Variants in UBXN11 observed in about 807,000 individuals in gnomAD.
The protein encoded by UBXN11 is UBX domain protein 11, also known as UBX domain-containing protein 11.
In UBXN11, 47 loss-of-function variants were observed where a neutral mutation model predicts 62.8. The observed-to-expected ratio is 0.75, with a 90% CI of 0.59 to 0.95. The LOEUF is 0.95. UBXN11 is among the 40% of genes least tolerant of loss of function. UBXN11 has a pLI of 0.00. For missense variants in UBXN11, 638 were observed against 661.7 expected (o/e 0.96, Z 0.39); for synonymous variants, 294 against 267.0 (o/e 1.10, Z -0.99).
upstream of UBXN11, chr1:26,306,813 C>A (rs2073678464): frequency 2.1e-5 from 1 of 47,308 alleles, no homozygotes; most frequent in East Asian, 4.2e-4. Flanking sequence ...GAGAGGGCTC[C>A]AGGTCCGGGG....
intron 3 of UBXN11, among the ~76,000 whole-genome samples, chr1:26,301,422 T>C (rs1463876425): frequency 1.3e-5 from 2 of 152,130 alleles, no homozygotes; most frequent in Non-Finnish European, 2.9e-5. Context: ...ACTTGGTTTC[T>C]AGGCACACAC....
intron 7 of UBXN11, among the ~76,000 whole-genome samples, chr1:26,296,461 G>A (rs999910223): frequency 6.6e-6 from 1 of 152,192 alleles, no homozygotes; most frequent in African/African-American, 2.4e-5. Flanking sequence ...CTGACCTGGG[G>A]GAGGTGGGGA....
At chr1:26,288,791 CAGGAGGCAGGCATCACCATTTCTG>C (rs2073191157) in intron 8 of UBXN11, among the ~76,000 whole-genome samples, 1 of 152,180 alleles carries the variant, frequency 6.6e-6, no homozygotes, top group African/African-American at 2.4e-5. Context: ...TGCCAAGCGC[CAGGAGGCAGGCATCACCATTTCTG>C]TTTTACAGAT....
At chr1:26,304,752 C>CA (rs1368961854) in intron 1 of UBXN11, among the ~76,000 whole-genome samples, 3 of 151,374 alleles carry the variant, frequency 2.0e-5, no homozygotes, top group Non-Finnish European at 4.4e-5. Context: ...GACTCCATCT[C>CA]AAAAAAAAAT....
chr1:26,282,616 C>A, intron 14 of UBXN11, 33 bp downstream of exon 14: 3 of 1,613,112 alleles, frequency 1.9e-6, no homozygotes, highest in Non-Finnish European at 2.5e-6. Flanking sequence ...GGACCAGAGC[C>A]CCTCTGTGGC....
At chr1:26,314,521 T>C (rs2073772519) in intron 1 of UBXN11, among the ~76,000 whole-genome samples, 2 of 152,198 alleles carry the variant, frequency 1.3e-5, no homozygotes, top group Admixed American at 6.5e-5. Context: ...CTTTTCTGCA[T>C]TGGTAACTTT....
rs1162877845 is a variant in UBXN11 at position 26,313,283 on chromosome 1, C to T, written c.-149+4764G>A. The stretch of plus-strand genomic sequence containing the variant: ...GGCCCCAGGGACAGTCATCAAAAGA[C>T]ACTGTGGAACTGGGATGGAATTGTG... On this transcript the variant is annotated intron_variant, in intron 1 of 14. Transcript: ENST00000374217. Among the ~76,000 whole-genome samples the T allele has an allele frequency of 3.3e-5, 5 of 152,276 alleles. No homozygotes were observed. The East Asian group carries it at 9.6e-4, about 29-fold the overall frequency.
Position 26,297,009 on chromosome 1 carries a change from C to T in UBXN11, c.356-14G>A. ...GGGTTGCCTCGGCTTCAGGGAAAGA[C>T]AGGGACAGGCTTCAGCTGCCCCAGC... On this transcript the variant is annotated splice_polypyrimidine_tract_variant and intron_variant, in intron 6 of 14. Coordinates refer to ENST00000374222, the MANE Select transcript of UBXN11 (RefSeq NM_001389556.1). 1.3e-6 allele frequency: 2 copies of T among 1,594,306 alleles called. No homozygotes were observed. Among genetic ancestry groups the T allele is most frequent in the Non-Finnish European group, 1.7e-6 (2 of 1,169,316 alleles).
At chr1:26,284,675 G>A (rs1409232587) in intron 10 of UBXN11, 193 bp from the exon 11 acceptor site, 3 of 1,354,180 alleles carry the variant, frequency 2.2e-6, no homozygotes, top group East Asian at 2.9e-5. Context: ...TGCTGCTCCT[G>A]TAAGCACCCC....
Position 26,298,019 on chromosome 1 carries a change from C to A in UBXN11, c.243G>T (p.Arg81Ser). ...HDSELMAFMT[R>S]KLWDLEQQVK... ...CCTGCTGCTCCAGGTCCCACAACTT[C>A]CTCGTCATGAAGGCCATCAGCTCCG... Residue 81 changes from arginine (R) to serine (S), a missense_variant, in exon 5 of 15, where the codon AGG (arginine) becomes AGT (serine). By Grantham distance (110) the Arg-to-Ser change is moderately radical (BLOSUM62 -1). Coordinates refer to ENST00000374222, the MANE Select transcript of UBXN11 (RefSeq NM_001389556.1). The A allele has an allele frequency of 1.2e-6, 2 of 1,614,030 alleles. No homozygotes were observed. Among genetic ancestry groups the A allele is most frequent in the Non-Finnish European group, 1.7e-6 (2 of 1,179,990 alleles).
At chr1:26,301,143 G>C in intron 3 of UBXN11, 119 bp from the exon 4 acceptor site, 1 of 1,552,082 alleles carries the variant, frequency 6.4e-7, no homozygotes, top group Non-Finnish European at 8.7e-7. Flanking sequence ...TTTGAGGAGA[G>C]AGAATTCACA....
At chr1:26,291,856 A>AG in intron 8 of UBXN11, among the ~76,000 whole-genome samples, 1 of 152,224 alleles carries the variant, frequency 6.6e-6, no homozygotes, top group East Asian at 1.9e-4. Flanking sequence ...CCTGGGCAGC[A>AG]GGGACACGCT....
intron 1 of UBXN11, among the ~76,000 whole-genome samples, chr1:26,316,704 C>T (rs2073798751): frequency 2.0e-5 from 3 of 152,076 alleles, no homozygotes; most frequent in African/African-American, 4.8e-5. Flanking sequence ...CAGGGCACCA[C>T]AGAGGGTATC....
At chr1:26,314,021 C>A (rs1178718759) in intron 1 of UBXN11, among the ~76,000 whole-genome samples, 1 of 152,022 alleles carries the variant, frequency 6.6e-6, no homozygotes, top group Admixed American at 6.6e-5. Flanking sequence ...ACCTTGTGAT[C>A]GACTCGCCTC....
At chr1:26,318,062 T>C (rs2073816735) in exon 1 of UBXN11, 1 of 1,614,006 alleles carries the variant, frequency 6.2e-7, no homozygotes, top group Non-Finnish European at 8.5e-7. Flanking sequence ...GCCTCCTGGT[T>C]ATGGTACAGG....
chr1:26,283,391 G>A (rs1371592816), intron 12 of UBXN11, among the ~76,000 whole-genome samples: 1 of 152,224 alleles, frequency 6.6e-6, no homozygotes, highest in Admixed American at 6.5e-5. Flanking sequence ...CCAGCATTAT[G>A]TGTGGCTGAA....
intron 8 of UBXN11, among the ~76,000 whole-genome samples, chr1:26,292,229 AG>A (rs1313443489): frequency 6.6e-6 from 1 of 152,206 alleles, no homozygotes; most frequent in Non-Finnish European, 1.5e-5. Flanking sequence ...AAGGCTATGA[AG>A]ATGCTGGCAG....
chr1:26,294,889 G>T (rs1310203120), intron 7 of UBXN11, among the ~76,000 whole-genome samples: 1 of 152,150 alleles, frequency 6.6e-6, no homozygotes, highest in Non-Finnish European at 1.5e-5. Context: ...GCTGCCAAGC[G>T]CATGGGCACA....
At chr1:26,303,795 A>G (rs1476295245) in intron 1 of UBXN11, among the ~76,000 whole-genome samples, 2 of 152,140 alleles carry the variant, frequency 1.3e-5, no homozygotes, top group Non-Finnish European at 2.9e-5. Context: ...GAGATAACAG[A>G]GAAGGTCTAG....
Sources: gnomAD v4.1 joint callset for allele counts (sites outside exome capture counted in the v4.1 genomes callset) on GRCh38, gnomAD v4.1.1 for gene constraint, MANE v1.5 for transcripts, NCBI Gene and HGNC (gene_info 2026-07-23, HGNC 2026-07-21) for gene names.